The following C12orf56 variants were observed in gnomAD, a reference collection of about 807,000 sequenced individuals.
C12orf56 encodes the protein uncharacterized protein C12orf56.
Under a neutral mutation model 69.9 loss-of-function variants are expected in C12orf56, and 71 were observed. The ratio of observed to expected loss-of-function variants is 1.02; its 90% CI spans 0.84 to 1.24. C12orf56 has a LOEUF of 1.24. Ranked by LOEUF, C12orf56 falls within the 50% of genes most tolerant of loss-of-function variation. The probability of loss-of-function intolerance (pLI) is 0.00; values close to 1 mark genes in which losing one functional copy is unlikely to be tolerated. For missense variants in C12orf56, 732 were observed against 738.5 expected, an observed-to-expected ratio of 0.99 and a Z score of 0.10; for synonymous variants, 276 against 274.1, an observed-to-expected ratio of 1.01 and a Z score of -0.07.
At chr12:64,345,327 C>G (rs1472319930) in intron 2 of C12orf56, among the ~76,000 whole-genome samples, 1 of 152,096 alleles carries the variant, frequency 6.6e-6, no homozygotes, top group Non-Finnish European at 1.5e-5. Flanking sequence ...CAGGATTTAT[C>G]TCCTCAGGCA....
chr12:64,337,925 G>T lies in C12orf56; in HGVS notation c.416-6893C>A, dbSNP rs548875220. ...AAAGGCAACCTCTTTATACCAGGGAGAGGAGAACATTCTTTTTTCTTTTAC... is the reference window on the plus strand; with the variant it reads ...AAAGGCAACCTCTTTATACCAGGGATAGGAGAACATTCTTTTTTCTTTTAC... On this transcript the variant is annotated intron_variant, in intron 2 of 12. Coordinates refer to ENST00000543942, the MANE Select transcript of C12orf56 (RefSeq NM_001170633.2). Among the ~76,000 whole-genome samples the T allele has an allele frequency of 7.3e-5, 11 of 151,646 alleles. No individual in the cohort carries two copies. The South Asian group carries it at 2.3e-3, about 32-fold the overall frequency.
At chr12:64,335,048 C>T (rs1048373423) in intron 2 of C12orf56, among the ~76,000 whole-genome samples, 39 of 152,232 alleles carry the variant, frequency 2.6e-4, no homozygotes, top group African/African-American at 8.9e-4. Flanking sequence ...CCATCATTGC[C>T]AAAAGTTCTG....
chr12:64,317,705 A>G (rs2038707180), intron 4 of C12orf56, among the ~76,000 whole-genome samples: 1 of 151,920 alleles, frequency 6.6e-6, no homozygotes, highest in South Asian at 2.1e-4. Flanking sequence ...GGTTTCAGTG[A>G]GCCGAGATCA....
At chr12:64,364,003 C>CTTT (rs1165199916) in intron 1 of C12orf56, among the ~76,000 whole-genome samples, 3 of 145,074 alleles carry the variant, frequency 2.1e-5, no homozygotes, top group Admixed American at 6.9e-5. Flanking sequence ...TTTTTTCTTT[C>CTTT]TTTTTTTTTT....
intron 5 of C12orf56, among the ~76,000 whole-genome samples, chr12:64,307,903 C>G (rs1324751371): frequency 6.6e-6 from 1 of 152,178 alleles, no homozygotes; most frequent in East Asian, 1.9e-4. Context: ...GTAGTCCCAG[C>G]TACTCAGGAG....
At position 64,310,809 on chromosome 12, in the gene C12orf56, G is replaced by A. The variant is rs192683878; in HGVS notation, c.968+1870C>T. ...ATGTATACATGTGCCATGTTGGTGT[G>A]CTGCACCCATTAACTCGTCGTTTAC... On this transcript the variant is annotated intron_variant, in intron 5 of 12. Coordinates refer to ENST00000543942, the MANE Select transcript of C12orf56 (RefSeq NM_001170633.2). Among the ~76,000 whole-genome samples, 1,131 of 151,728 alleles carry A rather than the reference G, an allele frequency of 7.5e-3. 22 individuals are homozygous for A. Among genetic ancestry groups the A allele is most frequent in the African/African-American group, 0.026 (1,087 of 41,292 alleles).
At chr12:64,272,307 C>A (rs1473987931) in intron 11 of C12orf56, among the ~76,000 whole-genome samples, 2 of 152,086 alleles carry the variant, frequency 1.3e-5, no homozygotes, top group Admixed American at 1.3e-4. Context: ...GAGTTTGAGA[C>A]CAGCGTGGCT....
intron 6 of C12orf56, 24 bp from the exon 7 acceptor site, chr12:64,286,084 A>G (rs747993636): frequency 5.6e-6 from 8 of 1,419,084 alleles, no homozygotes; most frequent in Non-Finnish European, 7.8e-6. Context: ...TTGGAAAAAA[A>G]GACAGTAATT....
At chr12:64,382,760 C>G (rs2039736146) in intron 1 of C12orf56, among the ~76,000 whole-genome samples, 1 of 151,346 alleles carries the variant, frequency 6.6e-6, no homozygotes, top group South Asian at 2.1e-4. Flanking sequence ...GTAGTCCTAG[C>G]TACTCAGGAG....
At chr12:64,317,117 T>C (rs1442387574) in intron 4 of C12orf56, among the ~76,000 whole-genome samples, 1 of 152,180 alleles carries the variant, frequency 6.6e-6, no homozygotes, top group Non-Finnish European at 1.5e-5. Flanking sequence ...TGTTTACATT[T>C]TTAATTTAAA....
In C12orf56 at chr12:64,284,764, A is replaced by C. The variant is rs1262678545; in HGVS notation, c.1221-11T>G. ...ATTTCAATGCATGCCCTAGAAAATAAACGATAAAAGGCAAAGAAATGGCAT... is the reference window on the plus strand; with the variant it reads ...ATTTCAATGCATGCCCTAGAAAATACACGATAAAAGGCAAAGAAATGGCAT... On this transcript the variant is annotated splice_polypyrimidine_tract_variant and intron_variant, in intron 7 of 12. Coordinates refer to ENST00000543942, the MANE Select transcript of C12orf56 (RefSeq NM_001170633.2). The C allele has an allele frequency of 6.4e-7, 1 of 1,565,770 alleles. No individual in the cohort carries two copies. Among genetic ancestry groups the C allele is most frequent in the East Asian group, 2.3e-5 (1 of 44,022 alleles).
chr12:64,379,330 G>A (rs1258236028), intron 1 of C12orf56, among the ~76,000 whole-genome samples: 1 of 150,464 alleles, frequency 6.6e-6, no homozygotes, highest in African/African-American at 2.4e-5. Context: ...CTGTCTCCCA[G>A]GCTGGAGTGC....
intron 11 of C12orf56, among the ~76,000 whole-genome samples, chr12:64,271,469 A>C (rs2037990024): frequency 6.6e-6 from 1 of 152,224 alleles, no homozygotes; most frequent in Admixed American, 6.5e-5. Context: ...TCTTCTGTGT[A>C]ATTACAATCC....
intron 4 of C12orf56, among the ~76,000 whole-genome samples, chr12:64,313,868 C>G (rs11175336): frequency 6.6e-6 from 1 of 150,588 alleles, no homozygotes; most frequent in South Asian, 2.1e-4. Context: ...CATGGTGAAA[C>G]CCCATCTCTA....
At chr12:64,307,525 A>G (rs931852027) in intron 5 of C12orf56, among the ~76,000 whole-genome samples, 1 of 151,876 alleles carries the variant, frequency 6.6e-6, no homozygotes, top group South Asian at 2.1e-4. Flanking sequence ...ACACACCACC[A>G]TGCCTGTCTA....
chr12:64,302,567 TA>T (rs886475414), intron 6 of C12orf56, among the ~76,000 whole-genome samples: 17 of 152,078 alleles, frequency 1.1e-4, no homozygotes, highest in African/African-American at 4.1e-4. Flanking sequence ...ATGCCAGAAT[TA>T]GGATAAAATA....
At chr12:64,309,449 T>C (rs1397205794) in intron 5 of C12orf56, among the ~76,000 whole-genome samples, 6 of 152,330 alleles carry the variant, frequency 3.9e-5, no homozygotes, top group East Asian at 1.9e-4. Context: ...CATGTGGTAG[T>C]AGCAGAATTT....
intron 6 of C12orf56, among the ~76,000 whole-genome samples, chr12:64,297,571 C>T (rs935335174): frequency 6.6e-6 from 1 of 152,080 alleles, no homozygotes; most frequent in African/African-American, 2.4e-5. Context: ...GTGTGATGTT[C>T]CCCTCCCTGT....
intron 3 of C12orf56, among the ~76,000 whole-genome samples, chr12:64,323,901 T>A (rs993043734): frequency 1.1e-4 from 17 of 152,214 alleles, no homozygotes; most frequent in African/African-American, 3.6e-4. Flanking sequence ...GGGAATTACA[T>A]GCTGAAATGA....
Sources: allele counts gnomAD v4.1 joint callset (sites outside exome capture counted in the v4.1 genomes callset), GRCh38; gene constraint gnomAD v4.1.1; transcripts MANE v1.5; gene names NCBI Gene and HGNC (gene_info 2026-07-23, HGNC 2026-07-21).